CNTN5: variants seen among roughly 807,000 people sequenced by gnomAD.
The protein encoded by CNTN5 is contactin-5.
In CNTN5, 77 loss-of-function variants were observed where a neutral mutation model predicts 129.1. The ratio of observed to expected loss-of-function variants is 0.60; its 90% CI spans 0.50 to 0.72. The LOEUF (loss-of-function observed/expected upper bound fraction) is 0.72, where lower values mean the gene tolerates loss of function less well. CNTN5 is among the 30% of genes least tolerant of loss of function. The pLI is 0.00. For synonymous variants in CNTN5, 509 were observed against 465.6 expected, an observed-to-expected ratio of 1.09 and a Z score of -1.20; for missense variants, 1,478 against 1,328.8, an observed-to-expected ratio of 1.11 and a Z score of -1.75.
At chr11:99,523,126 C>T (rs1947330862) in intron 2 of CNTN5, among the ~76,000 whole-genome samples, 1 of 152,226 alleles carries the variant, frequency 6.6e-6, no homozygotes, top group Admixed American at 6.5e-5. Context: ...CTTGAAATGA[C>T]TTTCCCTCTT....
intron 13 of CNTN5, among the ~76,000 whole-genome samples, chr11:100,116,592 T>C (rs73563170): frequency 0.053 from 8,110 of 151,970 alleles, 502 homozygotes; most frequent in African/African-American, 0.15. Context: ...TTACCTGTTT[T>C]TTTCTAGGTT....
chr11:99,022,111 G>T (rs1239777084), intron 1 of CNTN5, among the ~76,000 whole-genome samples: 1 of 152,100 alleles, frequency 6.6e-6, no homozygotes, highest in Non-Finnish European at 1.5e-5. Context: ...CTTTTAAACT[G>T]TTGTATGTTC....
chr11:99,289,928 C>T (rs1272881028), intron 1 of CNTN5, among the ~76,000 whole-genome samples: 1 of 151,744 alleles, frequency 6.6e-6, no homozygotes, highest in African/African-American at 2.4e-5. Context: ...TGATTATAGT[C>T]TCCTCGTGAA....
intron 1 of CNTN5, among the ~76,000 whole-genome samples, chr11:99,270,387 C>A (rs1863118046): frequency 6.6e-6 from 1 of 151,810 alleles, no homozygotes; most frequent in East Asian, 1.9e-4. Flanking sequence ...TCTAAAAATT[C>A]ATGAATAATA....
At chr11:99,506,297 G>GA (rs1177899901) in intron 2 of CNTN5, among the ~76,000 whole-genome samples, 1 of 151,920 alleles carries the variant, frequency 6.6e-6, no homozygotes, top group Non-Finnish European at 1.5e-5. Flanking sequence ...TGTTGAAAAA[G>GA]AAAAAAATGT....
At chr11:100,010,209 T>C (rs552020165) in intron 9 of CNTN5, among the ~76,000 whole-genome samples, 73 of 152,222 alleles carry the variant, frequency 4.8e-4, no homozygotes, top group African/African-American at 1.7e-3. Context: ...CTGGGTGTGC[T>C]CAGTGTTTAA....
At chr11:99,790,634 C>T (rs1279734527) in intron 3 of CNTN5, among the ~76,000 whole-genome samples, 1 of 152,016 alleles carries the variant, frequency 6.6e-6, no homozygotes. Flanking sequence ...GATGAATATA[C>T]ACATGCATGT....
At chr11:100,037,835 T>G (rs1203521076) in intron 9 of CNTN5, among the ~76,000 whole-genome samples, 2 of 152,238 alleles carry the variant, frequency 1.3e-5, no homozygotes, top group African/African-American at 4.8e-5. Flanking sequence ...CATTTTTTAT[T>G]GCATCAATTT....
intron 1 of CNTN5, among the ~76,000 whole-genome samples, chr11:99,290,825 G>C (rs1462924714): frequency 6.6e-6 from 1 of 151,786 alleles, no homozygotes; most frequent in Non-Finnish European, 1.5e-5. Flanking sequence ...TGAAATGTCG[G>C]TTTGGTGAAA....
At chr11:99,194,097 G>A (rs1858783352) in intron 1 of CNTN5, among the ~76,000 whole-genome samples, 1 of 152,136 alleles carries the variant, frequency 6.6e-6, no homozygotes, top group African/African-American at 2.4e-5. Context: ...GGATAGAAAT[G>A]CTGAATACTA....
At chr11:100,013,499 A>T (rs1024499885) in intron 9 of CNTN5, among the ~76,000 whole-genome samples, 10 of 152,334 alleles carry the variant, frequency 6.6e-5, no homozygotes, top group African/African-American at 2.4e-4. Flanking sequence ...CAATCTGAGT[A>T]TATGTAAAAC....
At chr11:100,028,983 T>A (rs1941567207) in intron 9 of CNTN5, among the ~76,000 whole-genome samples, 1 of 152,304 alleles carries the variant, frequency 6.6e-6, no homozygotes, top group East Asian at 1.9e-4. Context: ...AGCATCAGAT[T>A]TGGCATTCCT....
intron 13 of CNTN5, among the ~76,000 whole-genome samples, chr11:100,131,237 A>T (rs566470165): frequency 1.3e-5 from 2 of 152,134 alleles, no homozygotes; most frequent in African/African-American, 4.8e-5. Context: ...TGTTCAGGAG[A>T]CAGAGGATAG....
Position 100,224,611 on chromosome 11 carries a change from A to G in CNTN5, c.1885-81A>G. 5 of 1,421,168 alleles carry G rather than the reference A, an allele frequency of 3.5e-6. No homozygotes were observed. The South Asian group carries it at 5.9e-5, about 17-fold the overall frequency. 88.0% of individuals were successfully genotyped at this position (1,421,168 alleles called of 1,614,324 possible). A position where few individuals can be genotyped will look rare whatever the true frequency, so the allele number is the denominator to read the frequency against. On this transcript the variant is annotated intron_variant, in intron 15 of 24. Transcript: ENST00000524871. The stretch of plus-strand genomic sequence containing the variant: ...AGGCCAAAAATGGGCCCTTTTACTG[A>G]ATATGCAAAGTTCCCCCTTAAGCCA...
chr11:99,800,461 C>A (rs747871123), intron 3 of CNTN5, among the ~76,000 whole-genome samples: 5 of 152,166 alleles, frequency 3.3e-5, no homozygotes, highest in Non-Finnish European at 7.4e-5. Context: ...TCAATTAGGT[C>A]CATTTGTTCA....
At chr11:99,539,745 C>T (rs999639331) in intron 2 of CNTN5, among the ~76,000 whole-genome samples, 5 of 152,066 alleles carry the variant, frequency 3.3e-5, no homozygotes, top group Admixed American at 2.6e-4. Flanking sequence ...ACATACTTCC[C>T]ATACTATAGT....
In CNTN5 at chr11:100,350,815, T is replaced by A; in HGVS notation, c.3144T>A (p.Tyr1048Ter). 1 of 1,606,452 alleles carries A rather than the reference T, an allele frequency of 6.2e-7. No homozygotes were observed. The highest frequency in any genetic ancestry group is 8.5e-7 in the Non-Finnish European group (1 of 1,175,322). ...TCTATATTATTGAAGTTCGAGCATA[T>A]AGTGAAGGAGGAGATGGAACAGCTA... ...AGVYIIEVRA[Y>*]SEGGDGTASS... The change falls in exon 24 of 25, where the codon TAT (tyrosine) becomes TAA (stop). Residue 1048 changes from tyrosine to a stop codon, truncating the protein, a stop_gained. Coordinates refer to ENST00000524871, the MANE Select transcript of CNTN5 (RefSeq NM_014361.4). LOFTEE classifies it high-confidence loss of function.
chr11:99,914,453 G>A (rs1249735740), intron 6 of CNTN5, among the ~76,000 whole-genome samples: 1 of 152,070 alleles, frequency 6.6e-6, no homozygotes, highest in African/African-American at 2.4e-5. Context: ...TCATGTGTAT[G>A]TTGTATTATC....
intron 3 of CNTN5, among the ~76,000 whole-genome samples, chr11:99,671,007 T>G (rs1036445691): frequency 6.6e-6 from 1 of 152,224 alleles, no homozygotes; most frequent in Admixed American, 6.5e-5. Flanking sequence ...TTCTAACTTT[T>G]TAAATGGTTT....
Sources: allele counts gnomAD v4.1 joint callset (sites outside exome capture counted in the v4.1 genomes callset), GRCh38; gene constraint gnomAD v4.1.1; transcripts MANE v1.5; gene names NCBI Gene and HGNC (gene_info 2026-07-23, HGNC 2026-07-21).